The following TASOR2 variants were observed in gnomAD, a reference collection of about 807,000 sequenced individuals.
TASOR2 encodes the protein transcription activation suppressor family member 2.
TASOR2 carries 84 observed loss-of-function variants against 199.5 expected under a neutral mutation model. The observed-to-expected ratio is 0.42, with a 90% CI of 0.35 to 0.50. The LOEUF (loss-of-function observed/expected upper bound fraction) is 0.50, where lower values mean the gene tolerates loss of function less well. Among genes scored for constraint, TASOR2 ranks in the 20% least tolerant of loss-of-function variants. TASOR2 has a pLI of 0.02. For missense variants in TASOR2, 2,796 were observed against 2,835.9 expected (o/e 0.99, Z 0.32); for synonymous variants, 1,103 against 1,046.6 (o/e 1.05, Z -1.04).
At chr10:5,731,196 A>G in exon 11 of TASOR2, 3 of 1,600,236 alleles carry the variant, frequency 1.9e-6, no homozygotes, top group Non-Finnish European at 1.7e-6. Flanking sequence ...CTCAGAAAAG[A>G]AAAAGAGGTA....
intron 1 of TASOR2, among the ~76,000 whole-genome samples, chr10:5,707,587 A>G (rs1393652608): frequency 1.3e-5 from 2 of 152,070 alleles, no homozygotes; most frequent in African/African-American, 4.8e-5. Context: ...TATTCCTAAA[A>G]CAAACACTAT....
At chr10:5,731,821 A>T (rs191870012) in intron 11 of TASOR2, among the ~76,000 whole-genome samples, 2 of 152,358 alleles carry the variant, frequency 1.3e-5, no homozygotes, top group Admixed American at 1.3e-4. Flanking sequence ...TTTCTGTGCC[A>T]TCCTCTTCAC....
intron 15 of TASOR2, among the ~76,000 whole-genome samples, chr10:5,753,502 A>G (rs1456363168): frequency 6.6e-6 from 1 of 152,148 alleles, no homozygotes; most frequent in Non-Finnish European, 1.5e-5. Context: ...AGCTGGGACT[A>G]CAGGCGCCCG....
intron 10 of TASOR2, among the ~76,000 whole-genome samples, chr10:5,728,741 A>G (rs1269772660): frequency 2.0e-5 from 3 of 152,160 alleles, no homozygotes; most frequent in Non-Finnish European, 4.4e-5. Flanking sequence ...GACCGTTTGC[A>G]TTTTTCAAGC....
chr10:5,702,399 G>T (rs568565232), intron 1 of TASOR2, among the ~76,000 whole-genome samples: 9 of 151,998 alleles, frequency 5.9e-5, no homozygotes, highest in African/African-American at 2.2e-4. Context: ...TGTGATATTG[G>T]CCTGTAGTTT....
intron 14 of TASOR2, among the ~76,000 whole-genome samples, chr10:5,745,585 G>T (rs938865111): frequency 2.6e-5 from 4 of 152,110 alleles, no homozygotes; most frequent in African/African-American, 9.7e-5. Flanking sequence ...TTTGAGACCA[G>T]CCTGGCCAAC....
rs1312474952 is a variant in TASOR2, at chr10:5,720,626, A to T, written c.-17A>T. The T allele has an allele frequency of 1.2e-6, 2 of 1,614,036 alleles. No individual in the cohort carries two copies. Among genetic ancestry groups the T allele is most frequent in the South Asian group, 1.1e-5 (1 of 91,082 alleles). ...CCTTATGTAATTGTAGCTTTTCGAT[A>T]CAGGGAATCTAAAACTATGGCACCA... On this transcript the variant is annotated 5_prime_UTR_variant, in exon 4 of 21. Transcript: ENST00000328090. This position sits in a 1 kb window ranked among gnomAD's most constrained non-coding sequence, Gnocchi z 5.3.
intron 13 of TASOR2, among the ~76,000 whole-genome samples, chr10:5,741,829 A>G (rs1836467700): frequency 6.6e-6 from 1 of 152,222 alleles, no homozygotes; most frequent in East Asian, 1.9e-4. Context: ...CCATGTTCAG[A>G]TCATGGTTCT....
At position 5,720,464 on chromosome 10, in the gene TASOR2, G is replaced by T. The variant is rs1485588251; in HGVS notation, c.-99-80G>T. 5.6e-6 allele frequency: 8 copies of T among 1,429,164 alleles called. No individual in the cohort carries two copies. Among genetic ancestry groups the T allele is most frequent in the Non-Finnish European group, 4.6e-6 (5 of 1,096,846 alleles). 88.5% of individuals were successfully genotyped at this position (1,429,164 alleles called of 1,614,324 possible). ...TGACTCTAATGTGTTAAATTTCAGG[G>T]CTCGGTGGGGTTGAGAAAAACTTGG... On this transcript the variant is annotated intron_variant, in intron 3 of 20. Coordinates refer to ENST00000328090, the Ensembl canonical transcript of TASOR2. This position sits in a 1 kb window ranked among gnomAD's most constrained non-coding sequence, Gnocchi z 5.3.
At chr10:5,729,086 C>T (rs954989736) in intron 10 of TASOR2, among the ~76,000 whole-genome samples, 16 of 152,186 alleles carry the variant, frequency 1.1e-4, no homozygotes, top group African/African-American at 1.9e-4. Context: ...TAGTGGCTCA[C>T]GCCTGTAATC....
At chr10:5,749,319 G>A (rs778373243) in exon 15 of TASOR2, 4 of 1,614,108 alleles carry the variant, frequency 2.5e-6, no homozygotes, top group South Asian at 2.2e-5. Flanking sequence ...CTTGGCAGGT[G>A]GCAGACGACC....
intron 16 of TASOR2, 139 bp from the exon 18 acceptor site, chr10:5,757,381 A>G (rs1839116578): frequency 1.2e-6 from 1 of 825,040 alleles, no homozygotes; most frequent in African/African-American, 1.7e-5. Flanking sequence ...GCAGGGCAGA[A>G]TGACCAGTCG....
In TASOR2 at chr10:5,743,356, G is replaced by A. The variant is rs535210545; in HGVS notation, c.2757+830G>A. On this transcript the variant is annotated intron_variant, in intron 14 of 20. Transcript: ENST00000328090. The stretch of plus-strand genomic sequence containing the variant: ...GATTGTCATCATCATGAGAATTAAA[G>A]ATTTCTGGGTCACTGTGTGCCAGAA... Among the ~76,000 whole-genome samples, 3 of 152,288 alleles carry A rather than the reference G, an allele frequency of 2.0e-5. No individual in the cohort carries two copies. In the East Asian group the frequency reaches 5.8e-4, roughly 29 times the overall value.
Position 5,754,005 on chromosome 10 carries a change from C to T in TASOR2, c.6607-2608C>T, listed in dbSNP as rs142423887. On this transcript the variant is annotated intron_variant, in intron 15 of 20. Coordinates refer to ENST00000328090, the Ensembl canonical transcript of TASOR2. The surrounding 1 kb of genome is among the most constrained non-coding windows in gnomAD (Gnocchi z 4.3). ...CAAAATACTTGGTTTCTTTCAGCTTCCATCTTCTCAAAAAGCAACAGAGGG... is the reference window on the plus strand; with the variant it reads ...CAAAATACTTGGTTTCTTTCAGCTTTCATCTTCTCAAAAAGCAACAGAGGG... Among the ~76,000 whole-genome samples, 26 of 152,226 alleles carry T rather than the reference C, an allele frequency of 1.7e-4. No homozygotes were observed. Among genetic ancestry groups the T allele is most frequent in the Non-Finnish European group, 2.6e-4 (18 of 68,012 alleles).
chr10:5,696,730 C>G (rs943163646), intron 1 of TASOR2, among the ~76,000 whole-genome samples: 3 of 151,942 alleles, frequency 2.0e-5, no homozygotes, highest in African/African-American at 7.3e-5. Flanking sequence ...ATGAAAGTCT[C>G]TAATGAAAAA....
At position 5,685,437 on chromosome 10, in the gene TASOR2, G is replaced by A. The variant is rs561299744; in HGVS notation, c.-288+262G>A. ...ACCGTGTCATCTTGCCCCTTTCTGA[G>A]GCGTTTCGTTTGCGTCGCCTGTCAG... On this transcript the variant is annotated intron_variant, in intron 1 of 20. Coordinates refer to ENST00000328090, the Ensembl canonical transcript of TASOR2. The surrounding 1 kb of genome is among the most constrained non-coding windows in gnomAD (Gnocchi z 5.4). Among the ~76,000 whole-genome samples, 1 of 152,264 alleles carries A rather than the reference G, an allele frequency of 6.6e-6. No homozygotes were observed. Among genetic ancestry groups the A allele is most frequent in the Admixed American group, 6.5e-5 (1 of 15,278 alleles).
chr10:5,714,240 A>T (rs2131553818), intron 2 of TASOR2, 33 bp downstream of exon 3: 1 of 1,211,260 alleles, frequency 8.3e-7, no homozygotes, highest in African/African-American at 1.6e-5. Flanking sequence ...ATCTTAAAAA[A>T]AAATCTTCTT....
At position 5,746,268 on chromosome 10, in the gene TASOR2, T is replaced by C. The variant is rs1266155710; in HGVS notation, c.2847T>C (p.Ser949=). Reference sequence around the variant, plus strand: ...GAAGTACACAAACTAATGGACCTTCTGTTCCTAGTGAAGAAGAAATTGTTC... The same window carrying C: ...GAAGTACACAAACTAATGGACCTTCCGTTCCTAGTGAAGAAGAAATTGTTC... Residue 949 remains serine, a synonymous_variant, in exon 15 of 21, where the codon TCT becomes TCC. Transcript: ENST00000328090. The C allele has an allele frequency of 2.5e-6, 4 of 1,614,156 alleles. No individual in the cohort carries two copies. The Admixed American group carries it at 5.0e-5, about 20-fold the overall frequency.
intron 1 of TASOR2, among the ~76,000 whole-genome samples, chr10:5,708,638 TC>T: frequency 7.5e-5 from 1 of 13,408 alleles, no homozygotes; most frequent in Non-Finnish European, 3.8e-4. Flanking sequence ...CTTCCTCCCT[TC>T]CTTCCTTCCT....
Sources: gnomAD v4.1 joint callset for allele counts (sites outside exome capture counted in the v4.1 genomes callset) on GRCh38, gnomAD v4.1.1 for gene constraint, Gnocchi (gnomAD v3.1) non-coding constraint, MANE v1.5 for transcripts, NCBI Gene and HGNC (gene_info 2026-07-23, HGNC 2026-07-21) for gene names.